The following PEX5L variants were observed in gnomAD, a reference collection of about 807,000 sequenced individuals.
The protein encoded by PEX5L is PEX5-related protein.
PEX5L carries 30 observed loss-of-function variants against 84.0 expected under a neutral mutation model. That is an observed-to-expected ratio of 0.36 (90% CI 0.27 to 0.48). The LOEUF is 0.48. Among genes scored for constraint, PEX5L ranks in the 20% least tolerant of loss-of-function variants. PEX5L has a pLI of 0.99. For synonymous variants in PEX5L, 270 were observed against 283.1 expected (o/e 0.95, Z 0.46); for missense variants, 533 against 754.6 (o/e 0.71, Z 3.44).
chr3:179,983,375 C>T (rs1046647436), intron 1 of PEX5L, among the ~76,000 whole-genome samples: 2 of 151,944 alleles, frequency 1.3e-5, no homozygotes, highest in Non-Finnish European at 1.5e-5. Context: ...ATCTACTTAA[C>T]ACTTAAGAGA....
chr3:179,910,198 C>T (rs1764691802), intron 2 of PEX5L, among the ~76,000 whole-genome samples: 1 of 152,184 alleles, frequency 6.6e-6, no homozygotes, highest in Non-Finnish European at 1.5e-5. Flanking sequence ...CTACAACATG[C>T]CATGACCTGA....
intron 2 of PEX5L, among the ~76,000 whole-genome samples, chr3:179,930,736 G>T (rs1772861861): frequency 6.6e-6 from 1 of 152,134 alleles, no homozygotes; most frequent in Non-Finnish European, 1.5e-5. Context: ...CTCTAAAAAT[G>T]GTCCAAATAT....
chr3:179,840,185 T>TG (rs1162076689), intron 8 of PEX5L, among the ~76,000 whole-genome samples: 92 of 76,566 alleles, frequency 1.2e-3, no homozygotes, highest in South Asian at 3.6e-3. Context: ...GTGTGTGTGT[T>TG]TTTTTTTTTT....
At chr3:179,972,718 T>C (rs1364034832) in intron 1 of PEX5L, among the ~76,000 whole-genome samples, 1 of 152,168 alleles carries the variant, frequency 6.6e-6, no homozygotes, top group Non-Finnish European at 1.5e-5. Context: ...GATATAAATC[T>C]TCACACTGTG....
chr3:180,013,876 A>C (rs776348533), intron 1 of PEX5L, among the ~76,000 whole-genome samples: 1 of 152,236 alleles, frequency 6.6e-6, no homozygotes, highest in East Asian at 1.9e-4. Flanking sequence ...ATTTTCTACA[A>C]GGAACACGTG....
At chr3:179,965,877 G>C (rs1002125169) in intron 2 of PEX5L, among the ~76,000 whole-genome samples, 4 of 152,106 alleles carry the variant, frequency 2.6e-5, no homozygotes, top group Admixed American at 6.6e-5. Flanking sequence ...ATAAAACACA[G>C]GGTGATTATG....
chr3:180,009,253 C>T (rs1473954660), intron 1 of PEX5L, among the ~76,000 whole-genome samples: 1 of 152,164 alleles, frequency 6.6e-6, no homozygotes, highest in African/African-American at 2.4e-5. Flanking sequence ...GGGTTGTTTT[C>T]AGATCACATT....
chr3:179,840,334 A>G (rs957180276), intron 8 of PEX5L, among the ~76,000 whole-genome samples: 1 of 148,622 alleles, frequency 6.7e-6, no homozygotes, highest in Admixed American at 6.9e-5. Flanking sequence ...GATTATAGGC[A>G]TGTGCCACCA....
At chr3:179,948,963 G>C (rs754855305) in intron 2 of PEX5L, among the ~76,000 whole-genome samples, 1 of 152,144 alleles carries the variant, frequency 6.6e-6, no homozygotes, top group African/African-American at 2.4e-5. Context: ...ATAATATTTA[G>C]TTAATATGAC....
Position 179,990,575 on chromosome 3 carries a change from A to C in PEX5L, c.22-18910T>G, listed in dbSNP as rs546605342. Among the ~76,000 whole-genome samples the C allele has an allele frequency of 3.9e-5, 6 of 152,186 alleles. No individual in the cohort carries two copies. The East Asian group carries it at 1.2e-3, about 29-fold the overall frequency. ...CACCACACCAAACTATTTTTTAAAA[A>C]AATATTTTGTAGAGATAAGGTCTCA... On this transcript the variant is annotated intron_variant, in intron 1 of 14. Transcript: ENST00000467460.
chr3:179,812,484 T>C (rs890545805), intron 10 of PEX5L, among the ~76,000 whole-genome samples: 7 of 152,156 alleles, frequency 4.6e-5, no homozygotes, highest in Non-Finnish European at 1.0e-4. Context: ...CCTTAAGCCC[T>C]TTTTCATGTT....
intron 1 of PEX5L, among the ~76,000 whole-genome samples, chr3:179,984,323 T>C (rs558578219): frequency 6.6e-6 from 1 of 152,188 alleles, no homozygotes; most frequent in African/African-American, 2.4e-5. Context: ...TTTGCAAAAA[T>C]ATAAAACAAT....
chr3:179,977,752 A>G (rs144613361), intron 1 of PEX5L, among the ~76,000 whole-genome samples: 1 of 152,290 alleles, frequency 6.6e-6, no homozygotes, highest in East Asian at 1.9e-4. Context: ...GGGGAGATCA[A>G]TTTTCTGAAG....
At chr3:179,815,199 G>T (rs1472680190) in intron 10 of PEX5L, among the ~76,000 whole-genome samples, 5 of 152,212 alleles carry the variant, frequency 3.3e-5, no homozygotes, top group Non-Finnish European at 7.4e-5. Context: ...CAATAAATGT[G>T]GCGTGAGTAA....
chr3:179,871,419 T>C (rs1008631559), intron 7 of PEX5L, among the ~76,000 whole-genome samples: 1 of 152,190 alleles, frequency 6.6e-6, no homozygotes, highest in Non-Finnish European at 1.5e-5. Flanking sequence ...GAGTTATACT[T>C]TTAAGGTGAA....
chr3:180,002,639 T>TTTTTTACATTTTTTACAAATGTG (rs1257640439), intron 1 of PEX5L, among the ~76,000 whole-genome samples: 6 of 152,134 alleles, frequency 3.9e-5, no homozygotes, highest in Non-Finnish European at 1.5e-5. Flanking sequence ...GTTGTAAATA[T>TTTTTTACATTTTTTACAAATGTG]TTGTCCAAAC....
chr3:180,002,461 A>G (rs955035993), intron 1 of PEX5L, among the ~76,000 whole-genome samples: 1 of 152,008 alleles, frequency 6.6e-6, no homozygotes, highest in African/African-American at 2.4e-5. Flanking sequence ...TTCCCTAACT[A>G]TTAGTTAATT....
At position 180,017,856 on chromosome 3, in the gene PEX5L, G is replaced by C. The variant is rs542882149; in HGVS notation, c.21+18723C>G. On this transcript the variant is annotated intron_variant, in intron 1 of 14. Transcript: ENST00000467460. Reference sequence around the variant, plus strand: ...ACTTGGATAAGCACTTCTGAGAAAAGGTTGAGGTTCAGAGAAAGGAATCAC... The same window carrying C: ...ACTTGGATAAGCACTTCTGAGAAAACGTTGAGGTTCAGAGAAAGGAATCAC... 5.3e-5 allele frequency among the ~76,000 whole-genome samples: 8 copies of C among 152,178 alleles called. No individual in the cohort carries two copies. The South Asian group carries it at 1.5e-3, about 28-fold the overall frequency.
Position 179,801,901 on chromosome 3 carries a change from T to C in PEX5L, c.1808A>G (p.Gln603Arg), listed in dbSNP as rs767276690. Residue 603 changes from glutamine (Q) to arginine (R), a missense_variant, in exon 15 of 15, where the codon CAA becomes CGA. Around this residue, in one of 8 missense-constraint regions of PEX5L, gnomAD observed 105 missense variants for 204.6 expected, o/e 0.51. Coordinates refer to ENST00000467460, the MANE Select transcript of PEX5L (RefSeq NM_016559.3). The stretch of plus-strand genomic sequence containing the variant: ...ATTAGCCGCCTGGAAGAGTTCTGGT[T>C]GGTCCATCAGAGAGAGCGCAATTCT... ...ALRIALSLMDQPELFQAANLG... is the reference protein window; with the variant it reads ...ALRIALSLMDRPELFQAANLG... The C allele has an allele frequency of 1.3e-5, 21 of 1,613,958 alleles. No individual in the cohort carries two copies. The highest frequency in any genetic ancestry group is 1.4e-5 in the Non-Finnish European group (17 of 1,179,950).
Sources: gnomAD v4.1 joint callset for allele counts (sites outside exome capture counted in the v4.1 genomes callset) on GRCh38, gnomAD v4.1.1 for gene constraint, gnomAD v4.1.1 regional missense constraint, MANE v1.5 for transcripts, NCBI Gene and HGNC (gene_info 2026-07-23, HGNC 2026-07-21) for gene names.